The following KSR2 variants were observed in gnomAD, a reference collection of about 807,000 sequenced individuals.
KSR2 encodes kinase suppressor of ras 2.
In KSR2, 25 loss-of-function variants were observed where a neutral mutation model predicts 107.8. The ratio of observed to expected loss-of-function variants is 0.23; its 90% CI spans 0.17 to 0.32. KSR2 has a LOEUF of 0.32. KSR2 is among the 10% of genes least tolerant of loss of function. The pLI is 1.00. For missense variants in KSR2, 887 were observed against 1,268.9 expected (o/e 0.70, Z 4.57); for synonymous variants, 480 against 507.0 (o/e 0.95, Z 0.71).
chr12:117,880,443 G>A (rs545309074), intron 1 of KSR2, among the ~76,000 whole-genome samples: 57 of 151,954 alleles, frequency 3.8e-4, no homozygotes, highest in African/African-American at 1.3e-3. Context: ...CAGATCTCCT[G>A]GGAAAAAGCA....
chr12:117,517,323 C>T (rs1163632844), intron 14 of KSR2, among the ~76,000 whole-genome samples: 2 of 152,214 alleles, frequency 1.3e-5, no homozygotes, highest in Admixed American at 6.5e-5. Flanking sequence ...GATGGATATA[C>T]ACTAAGATGT....
chr12:117,610,334 C>T (rs1475060652), intron 5 of KSR2, among the ~76,000 whole-genome samples: 2 of 152,056 alleles, frequency 1.3e-5, no homozygotes, highest in South Asian at 2.1e-4. Context: ...TTTAGAATAA[C>T]AGAATTGTTT....
chr12:117,669,200 A>G (rs575797722), intron 4 of KSR2, among the ~76,000 whole-genome samples: 1 of 152,332 alleles, frequency 6.6e-6, no homozygotes, highest in Non-Finnish European at 1.5e-5. Flanking sequence ...AAGGTAAGGA[A>G]ATGTATAGGT....
chr12:117,708,625 T>C (rs1303984257), intron 4 of KSR2, among the ~76,000 whole-genome samples: 1 of 152,190 alleles, frequency 6.6e-6, no homozygotes, highest in Non-Finnish European at 1.5e-5. Flanking sequence ...TGTCAGTCTC[T>C]CCAACAATTG....
intron 3 of KSR2, among the ~76,000 whole-genome samples, chr12:117,808,604 A>G (rs1891087031): frequency 6.6e-6 from 1 of 152,104 alleles, no homozygotes; most frequent in Admixed American, 6.6e-5. Context: ...CACTAGCATG[A>G]TTACTTCCAT....
At chr12:117,584,607 C>T (rs1268955198) in intron 5 of KSR2, among the ~76,000 whole-genome samples, 1 of 152,228 alleles carries the variant, frequency 6.6e-6, no homozygotes, top group Non-Finnish European at 1.5e-5. Context: ...ATTGTACCAA[C>T]AGGTCCACAT....
chr12:117,607,673 A>AGGGGAGGGGAGGG (rs1157406739), intron 5 of KSR2, among the ~76,000 whole-genome samples: 2 of 145,808 alleles, frequency 1.4e-5, no homozygotes, highest in African/African-American at 2.6e-5. Context: ...AGAGGAGAGG[A>AGGGGAGGGGAGGG]GAGGAGAGGA....
chr12:117,945,527 G>A (rs938148310), intron 1 of KSR2, among the ~76,000 whole-genome samples: 3 of 151,956 alleles, frequency 2.0e-5, no homozygotes, highest in African/African-American at 7.3e-5. Context: ...AAAATTAGCC[G>A]GACGTGGTGG....
intron 4 of KSR2, among the ~76,000 whole-genome samples, chr12:117,693,625 G>A (rs1885924380): frequency 6.6e-6 from 1 of 152,214 alleles, no homozygotes; most frequent in Non-Finnish European, 1.5e-5. Context: ...TCAGCATACA[G>A]TAAGTTGTGC....
At chr12:117,902,495 T>TAA (rs35386887) in intron 1 of KSR2, among the ~76,000 whole-genome samples, 79 of 102,470 alleles carry the variant, frequency 7.7e-4, no homozygotes, top group African/African-American at 1.5e-3. Context: ...GACTCTGTCT[T>TAA]AAAAAAAAAA....
At chr12:117,699,311 C>T (rs1177019847) in intron 4 of KSR2, among the ~76,000 whole-genome samples, 1 of 152,174 alleles carries the variant, frequency 6.6e-6, no homozygotes, top group East Asian at 1.9e-4. Context: ...GAGTATTATC[C>T]ATGCATTATC....
At chr12:117,716,925 C>T (rs1035640786) in intron 4 of KSR2, among the ~76,000 whole-genome samples, 2 of 152,184 alleles carry the variant, frequency 1.3e-5, no homozygotes, top group Non-Finnish European at 2.9e-5. Flanking sequence ...GTTTTATTTC[C>T]TCCCACGCTG....
chr12:117,618,524 T>C (rs1307050493), intron 5 of KSR2, among the ~76,000 whole-genome samples: 3 of 152,076 alleles, frequency 2.0e-5, no homozygotes, highest in Non-Finnish European at 4.4e-5. Context: ...GGTTTGGCTG[T>C]GCCCCACCCC....
chr12:117,830,371 C>G (rs1175798756), intron 3 of KSR2, among the ~76,000 whole-genome samples: 1 of 151,918 alleles, frequency 6.6e-6, no homozygotes, highest in South Asian at 2.1e-4. Context: ...GGGAAGGGGA[C>G]AAGCTCTGAA....
At chr12:117,560,434 C>T (rs774729428) in intron 7 of KSR2, among the ~76,000 whole-genome samples, 1 of 151,822 alleles carries the variant, frequency 6.6e-6, no homozygotes, top group Non-Finnish European at 1.5e-5. Context: ...CAAGGAGGGA[C>T]ATAGGAAATA....
At chr12:117,584,272 GA>G (rs141854529) in intron 5 of KSR2, among the ~76,000 whole-genome samples, 14 of 151,780 alleles carry the variant, frequency 9.2e-5, no homozygotes, top group African/African-American at 3.1e-4. Flanking sequence ...AAAGACAAGA[GA>G]AAAAAAAATT....
At chr12:117,542,597 T>C (rs1876584550) in intron 9 of KSR2, among the ~76,000 whole-genome samples, 1 of 152,172 alleles carries the variant, frequency 6.6e-6, no homozygotes, top group South Asian at 2.1e-4. Context: ...TCCCCCCATA[T>C]TTAACCCCTG....
chr12:117,574,192 T>G (rs1389165832), intron 7 of KSR2, among the ~76,000 whole-genome samples: 1 of 136,358 alleles, frequency 7.3e-6, no homozygotes, highest in African/African-American at 2.9e-5. Context: ...CCCAGAAAAC[T>G]GTTTTTTTTT....
intron 19 of KSR2, among the ~76,000 whole-genome samples, chr12:117,467,989 C>G (rs1472878200): frequency 6.6e-6 from 1 of 151,388 alleles, no homozygotes; most frequent in African/African-American, 2.4e-5. Flanking sequence ...CCTTTCCCTC[C>G]AACCAGTAAG....
Sources: gnomAD v4.1 joint callset for allele counts (sites outside exome capture counted in the v4.1 genomes callset) on GRCh38, gnomAD v4.1.1 for gene constraint, MANE v1.5 for transcripts, NCBI Gene and HGNC (gene_info 2026-07-23, HGNC 2026-07-21) for gene names.